Variants in ERC2 observed in about 807,000 individuals in gnomAD.
The protein encoded by ERC2 is ERC protein 2.
ERC2 carries 42 observed loss-of-function variants against 114.8 expected under a neutral mutation model. That is an observed-to-expected ratio of 0.37 (90% CI 0.29 to 0.47). The LOEUF is 0.47. ERC2 is among the 20% of genes least tolerant of loss of function. ERC2 has a pLI of 0.99. For synonymous variants in ERC2, 454 were observed against 425.5 expected (o/e 1.07, Z -0.82); for missense variants, 939 against 1,150.7 (o/e 0.82, Z 2.66).
chr3:55,881,425 A>T (rs17056090), intron 14 of ERC2, among the ~76,000 whole-genome samples: 14,777 of 152,240 alleles, frequency 0.097, 825 homozygotes, highest in South Asian at 0.17. Context: ...CCTGCTGAAA[A>T]TGTTTGTATA....
chr3:56,442,904 T>C lies in ERC2; in HGVS notation c.-140-7757A>G, dbSNP rs190327446. Among the ~76,000 whole-genome samples the C allele has an allele frequency of 3.4e-3, 521 of 152,298 alleles. 2 individuals are homozygous for C. The highest frequency in any genetic ancestry group is 4.6e-3 in the Non-Finnish European group (313 of 68,024). On this transcript the variant is annotated intron_variant, in intron 1 of 17. Coordinates refer to ENST00000288221, the MANE Select transcript of ERC2 (RefSeq NM_015576.3). ...ACTATGGGAAGTTTGCTCCCTGGAA[T>C]GGACTTTCTCCATAAGAGCTTTCTT...
At chr3:56,231,255 C>A (rs2050598500) in intron 3 of ERC2, among the ~76,000 whole-genome samples, 1 of 152,326 alleles carries the variant, frequency 6.6e-6, no homozygotes, top group South Asian at 2.1e-4. Context: ...TTTTACCAAG[C>A]ATTCAAAACC....
intron 12 of ERC2, among the ~76,000 whole-genome samples, chr3:55,955,706 T>C (rs2067905152): frequency 6.6e-6 from 1 of 152,226 alleles, no homozygotes; most frequent in African/African-American, 2.4e-5. Context: ...TGAACATTCT[T>C]ATACCAGTCT....
At chr3:55,623,030 G>C (rs1396009574) in intron 17 of ERC2, among the ~76,000 whole-genome samples, 2 of 152,228 alleles carry the variant, frequency 1.3e-5, no homozygotes, top group African/African-American at 4.8e-5. Context: ...AGCTTTATCA[G>C]CTGAGCAAAA....
chr3:55,835,232 A>T (rs2149199756), intron 14 of ERC2, among the ~76,000 whole-genome samples: 1 of 152,266 alleles, frequency 6.6e-6, no homozygotes, highest in African/African-American at 2.4e-5. Flanking sequence ...AAAAGAGGGA[A>T]TCCTCCCTAA....
At chr3:56,317,182 G>C (rs2056905523) in intron 2 of ERC2, among the ~76,000 whole-genome samples, 1 of 152,192 alleles carries the variant, frequency 6.6e-6, no homozygotes, top group East Asian at 1.9e-4. Context: ...AATCTGGTTT[G>C]AGCACAAGGG....
rs2066446929 is a variant in ERC2, at chr3:55,936,396, ACAAAGTGCCT to A, written c.2403+14019_2403+14028del. 2.0e-5 allele frequency among the ~76,000 whole-genome samples: 3 copies of A among 152,256 alleles called. 1 individual carries two copies. The highest frequency in any genetic ancestry group is 4.4e-5 in the Non-Finnish European group (3 of 68,042). ...TACATTCTAGGAGGAGGGATGATGG[ACAAAGTGCCT>A]ATGTGCTCATGGGAAAGACAGATAA... is the stretch of plus-strand genomic sequence containing the variant. On this transcript the variant is annotated intron_variant, in intron 13 of 17. Coordinates refer to ENST00000288221, the MANE Select transcript of ERC2 (RefSeq NM_015576.3).
intron 3 of ERC2, among the ~76,000 whole-genome samples, chr3:56,198,136 T>C (rs766130908): frequency 2.6e-4 from 39 of 152,304 alleles, no homozygotes; most frequent in Non-Finnish European, 4.1e-4. Context: ...AATTTGTCCA[T>C]TCTGGACACA....
chr3:55,733,534 TCTCTCTCTCA>T (rs1559567362), intron 15 of ERC2, among the ~76,000 whole-genome samples: 1,288 of 55,428 alleles, frequency 0.023, 21 homozygotes, highest in South Asian at 0.073. Context: ...TCATTCTTTC[TCTCTCTCTCA>T]CACACACACA....
chr3:56,280,481 G>T (rs2054274257), intron 3 of ERC2, among the ~76,000 whole-genome samples: 1 of 152,062 alleles, frequency 6.6e-6, no homozygotes, highest in African/African-American at 2.4e-5. Flanking sequence ...GGTGGTGACA[G>T]CAAGACAAGG....
At chr3:55,677,744 T>C (rs1166667398) in intron 17 of ERC2, among the ~76,000 whole-genome samples, 1 of 152,206 alleles carries the variant, frequency 6.6e-6, no homozygotes, top group Non-Finnish European at 1.5e-5. Flanking sequence ...CTGGCCCCTC[T>C]ATCTGCTGAG....
intron 16 of ERC2, among the ~76,000 whole-genome samples, chr3:55,688,182 C>T (rs1249031517): frequency 1.0e-3 from 152 of 152,176 alleles, no homozygotes; most frequent in Admixed American, 9.9e-3. Flanking sequence ...GCTTCCTGCT[C>T]TTTTAAAAAT....
intron 2 of ERC2, among the ~76,000 whole-genome samples, chr3:56,338,606 A>T (rs1315332736): frequency 5.5e-5 from 4 of 72,250 alleles, no homozygotes; most frequent in Admixed American, 1.5e-4. Flanking sequence ...ATGAAAACAA[A>T]GAAGAGTGAG....
At chr3:55,717,096 A>C (rs964128020) in intron 15 of ERC2, among the ~76,000 whole-genome samples, 1 of 152,204 alleles carries the variant, frequency 6.6e-6, no homozygotes, top group Non-Finnish European at 1.5e-5. Flanking sequence ...GGCGATGTTA[A>C]AACAGAGTCA....
In ERC2 at chr3:56,170,585, G is replaced by GTTTTTTTTTTGTTTTTT. The variant is rs2082585076; in HGVS notation, c.1149+2860_1149+2861insAAAAAACAAAAAAAAAA. 4.9e-5 allele frequency among the ~76,000 whole-genome samples: 3 copies of GTTTTTTTTTTGTTTTTT among 61,760 alleles called. 1 individual carries two copies. The highest frequency in any genetic ancestry group is 1.9e-4 in the African/African-American group (3 of 16,144). 40.5% of individuals were successfully genotyped at this position (61,760 alleles called of 152,430 possible). A position where few individuals can be genotyped will look rare whatever the true frequency, so the allele number is the denominator to read the frequency against. On this transcript the variant is annotated intron_variant, in intron 4 of 17. Coordinates refer to ENST00000288221, the MANE Select transcript of ERC2 (RefSeq NM_015576.3). ...CAATTTAGTCTAAGAAATCTCTTCT[G>GTTTTTTTTTTGTTTTTT]TTTTTTTTTTTTTTTTTTTTTTTTT...
intron 17 of ERC2, among the ~76,000 whole-genome samples, chr3:55,628,432 A>C (rs964459384): frequency 6.6e-6 from 1 of 152,248 alleles, no homozygotes; most frequent in East Asian, 1.9e-4. Context: ...TGATATACAT[A>C]GGGTCTTTTC....
intron 17 of ERC2, among the ~76,000 whole-genome samples, chr3:55,623,066 T>C (rs2059386040): frequency 6.6e-6 from 1 of 152,214 alleles, no homozygotes; most frequent in African/African-American, 2.4e-5. Flanking sequence ...TCATGTTCTC[T>C]GATTTGTTCT....
chr3:55,931,189 T>G (rs1186704746), intron 13 of ERC2, among the ~76,000 whole-genome samples: 1 of 152,196 alleles, frequency 6.6e-6, no homozygotes, highest in Non-Finnish European at 1.5e-5. Flanking sequence ...TGGAAGACAG[T>G]GTGGCAATTC....
intron 6 of ERC2, among the ~76,000 whole-genome samples, chr3:56,133,641 A>G (rs1206261919): frequency 6.6e-6 from 1 of 152,158 alleles, no homozygotes; most frequent in Non-Finnish European, 1.5e-5. Context: ...CTATTTCATC[A>G]TCTTAAAAAT....
Sources: allele counts gnomAD v4.1 joint callset (sites outside exome capture counted in the v4.1 genomes callset), GRCh38; gene constraint gnomAD v4.1.1; transcripts MANE v1.5; gene names NCBI Gene and HGNC (gene_info 2026-07-23, HGNC 2026-07-21).